Variants in MMP26 observed in about 807,000 individuals in gnomAD.
MMP26 encodes the protein matrix metallopeptidase 26.
Under a neutral mutation model 31.0 loss-of-function variants are expected in MMP26, and 33 were observed. The ratio of observed to expected loss-of-function variants is 1.06; its 90% CI spans 0.81 to 1.42. The LOEUF (loss-of-function observed/expected upper bound fraction) is 1.42. Ranked by LOEUF, MMP26 falls within the 40% of genes most tolerant of loss-of-function variation. MMP26 has a pLI of 0.00. For missense variants in MMP26, 347 were observed against 316.1 expected, an observed-to-expected ratio of 1.10 and a Z score of -0.74; for synonymous variants, 122 against 114.9, an observed-to-expected ratio of 1.06 and a Z score of -0.40.
At chr11:4,905,478 C>T (rs1203849851) in intron 2 of MMP26, among the ~76,000 whole-genome samples, 1 of 152,022 alleles carries the variant, frequency 6.6e-6, no homozygotes, top group African/African-American at 2.4e-5. Flanking sequence ...GTTAAGCTTC[C>T]ATATAAAGGA....
At chr11:4,830,537 C>A (rs1849632446) in intron 2 of MMP26, among the ~76,000 whole-genome samples, 1 of 152,166 alleles carries the variant, frequency 6.6e-6, no homozygotes. Flanking sequence ...ACACTGGAAG[C>A]TTGTCAAGAA....
intron 1 of MMP26, among the ~76,000 whole-genome samples, chr11:4,722,211 A>G (rs1848022223): frequency 6.6e-6 from 1 of 152,194 alleles, no homozygotes; most frequent in Non-Finnish European, 1.5e-5. Context: ...GAATGGACTA[A>G]CACACCTTGT....
rs539288170 is a variant in MMP26 at position 4,885,272 on chromosome 11, A to G, written c.-144-102796A>G. Among the ~76,000 whole-genome samples the G allele has an allele frequency of 9.2e-5, 14 of 152,256 alleles. No individual in the cohort carries two copies. In the South Asian group the frequency reaches 2.9e-3, roughly 32 times the overall value. On this transcript the variant is annotated intron_variant, in intron 2 of 7. Transcript: ENST00000380390. Reference sequence around the variant, plus strand: ...GAATGTGTTGAGAAATAGAAAAAAAATTTAAAATCTAATACCAATTATTTG... The same window carrying G: ...GAATGTGTTGAGAAATAGAAAAAAAGTTTAAAATCTAATACCAATTATTTG...
chr11:4,863,713 G>A (rs1372419397), intron 2 of MMP26: 1 of 152,122 alleles, frequency 6.6e-6, no homozygotes, highest in Non-Finnish European at 1.5e-5. Flanking sequence ...AACCACTGGT[G>A]TTGTCTGGTG....
intron 4 of MMP26, 53 bp downstream of exon 4, chr11:4,989,921 G>T: frequency 6.9e-7 from 1 of 1,453,566 alleles, no homozygotes; most frequent in Non-Finnish European, 9.5e-7. Flanking sequence ...ACCTCAAAGG[G>T]CTTTCTACCA....
At chr11:4,861,031 T>C (rs1182276461) in intron 2 of MMP26, among the ~76,000 whole-genome samples, 1 of 150,376 alleles carries the variant, frequency 6.6e-6, no homozygotes, top group Non-Finnish European at 1.5e-5. Context: ...ACAACCTACA[T>C]CCACATAAAT....
chr11:4,970,256 G>T (rs1589821449), intron 2 of MMP26, among the ~76,000 whole-genome samples: 1 of 152,150 alleles, frequency 6.6e-6, no homozygotes, highest in Admixed American at 6.5e-5. Context: ...ACTCAATAAG[G>T]TCTAAATCTT....
intron 2 of MMP26, among the ~76,000 whole-genome samples, chr11:4,837,077 T>C (rs948678652): frequency 5.9e-5 from 9 of 152,128 alleles, no homozygotes; most frequent in African/African-American, 2.2e-4. Context: ...CAAAGACAAA[T>C]ACCAGATTGG....
intron 2 of MMP26, among the ~76,000 whole-genome samples, chr11:4,812,639 T>C (rs1189142311): frequency 6.6e-6 from 1 of 152,180 alleles, no homozygotes; most frequent in Non-Finnish European, 1.5e-5. Flanking sequence ...ATCTATGTAT[T>C]TATTTCACAC....
chr11:4,901,703 T>A (rs1850804990), intron 2 of MMP26, among the ~76,000 whole-genome samples: 1 of 152,266 alleles, frequency 6.6e-6, no homozygotes, highest in African/African-American at 2.4e-5. Flanking sequence ...CCCTAAAAAC[T>A]TCTCTAATGT....
intron 2 of MMP26, among the ~76,000 whole-genome samples, chr11:4,904,199 A>T (rs1391218646): frequency 6.6e-6 from 1 of 152,058 alleles, no homozygotes; most frequent in Non-Finnish European, 1.5e-5. Context: ...GCCTAACATA[A>T]CTCTGAGGTA....
chr11:4,726,838 C>T (rs1043575096), intron 1 of MMP26, among the ~76,000 whole-genome samples: 1 of 152,036 alleles, frequency 6.6e-6, no homozygotes, highest in Non-Finnish European at 1.5e-5. Flanking sequence ...GAGATCTGAT[C>T]TCTACAAAAA....
intron 1 of MMP26, among the ~76,000 whole-genome samples, chr11:4,742,355 C>T (rs11033661): frequency 1.3e-5 from 2 of 151,986 alleles, no homozygotes; most frequent in East Asian, 1.9e-4. Context: ...GCTCCTTTTG[C>T]GGAATAAGGA....
At chr11:4,981,130 G>T (rs1191286331) in intron 2 of MMP26, among the ~76,000 whole-genome samples, 1 of 152,000 alleles carries the variant, frequency 6.6e-6, no homozygotes, top group Non-Finnish European at 1.5e-5. Context: ...ACTGAAGATG[G>T]CAAAGGAGAG....
rs939075790 is a variant in MMP26 at position 4,804,916 on chromosome 11, G to T, written c.-145+37575G>T. On this transcript the variant is annotated intron_variant, in intron 2 of 7. Coordinates refer to ENST00000380390, the MANE Select transcript of MMP26 (RefSeq NM_021801.5). ...ACCCAGGAGTTGGACGTTGCAGTGA[G>T]CTGAGCTCACACCACTGCACTCCAG... Among the ~76,000 whole-genome samples, 88 of 151,054 alleles carry T rather than the reference G, an allele frequency of 5.8e-4. 1 individual carries two copies. Among genetic ancestry groups the T allele is most frequent in the African/African-American group, 2.1e-3 (86 of 41,108 alleles).
At chr11:4,986,932 C>T (rs138740595) in intron 2 of MMP26, among the ~76,000 whole-genome samples, 12,282 of 58,762 alleles carry the variant, frequency 0.21, 1,352 homozygotes, top group African/African-American at 0.32. Flanking sequence ...TCTCTCTCTC[C>T]CTCTCTCTCT....
chr11:4,959,742 A>G (rs2133619616), intron 2 of MMP26, among the ~76,000 whole-genome samples: 1 of 152,264 alleles, frequency 6.6e-6, no homozygotes, highest in South Asian at 2.1e-4. Context: ...GTATGTTACA[A>G]GACCCTTAGA....
chr11:4,973,578 C>A (rs1460201921), intron 2 of MMP26: 1 of 153,620 alleles, frequency 6.5e-6, no homozygotes, highest in East Asian at 1.9e-4. Context: ...ATGAAAAACT[C>A]TTGAGCAATA....
intron 2 of MMP26, chr11:4,848,869 C>CA (rs771827294): frequency 6.2e-7 from 1 of 1,614,174 alleles, no homozygotes; most frequent in East Asian, 2.2e-5. Context: ...ACAGAAAAGA[C>CA]ATGGATAAAA....
Sources: allele counts gnomAD v4.1 joint callset (sites outside exome capture counted in the v4.1 genomes callset), GRCh38; gene constraint gnomAD v4.1.1; transcripts MANE v1.5; gene names NCBI Gene and HGNC (gene_info 2026-07-23, HGNC 2026-07-21).